The following PKN2 variants were observed in gnomAD, a reference collection of about 807,000 sequenced individuals.
PKN2 encodes serine/threonine-protein kinase N2.
In PKN2, 38 loss-of-function variants were observed where a neutral mutation model predicts 119.1. The ratio of observed to expected loss-of-function variants is 0.32; its 90% CI spans 0.25 to 0.42. The LOEUF is 0.42. Ranked by LOEUF, PKN2 falls within the 10% of genes least tolerant of loss-of-function variation. The pLI is 1.00. For missense variants in PKN2, 850 were observed against 1,165.1 expected, an observed-to-expected ratio of 0.73 and a Z score of 3.94; for synonymous variants, 390 against 384.9, an observed-to-expected ratio of 1.01 and a Z score of -0.15.
intron 1 of PKN2, among the ~76,000 whole-genome samples, chr1:88,728,758 G>T (rs896043455): frequency 6.6e-6 from 1 of 152,078 alleles, no homozygotes; most frequent in Non-Finnish European, 1.5e-5. Context: ...AACGGGAGGA[G>T]GCTAGAGTGA....
At chr1:88,709,697 T>C (rs553379785) in intron 1 of PKN2, among the ~76,000 whole-genome samples, 300 of 152,286 alleles carry the variant, frequency 2.0e-3, no homozygotes, top group Non-Finnish European at 3.4e-3. Context: ...TGTAAACATA[T>C]CACTTGAACA....
intron 2 of PKN2, among the ~76,000 whole-genome samples, chr1:88,751,769 A>AT (rs1009280629): frequency 2.4e-4 from 37 of 152,008 alleles, no homozygotes; most frequent in African/African-American, 8.2e-4. Context: ...TTCTAGAGTG[A>AT]TCTTTTCTTG....
At chr1:88,798,998 G>T (rs1671205090) in intron 8 of PKN2, among the ~76,000 whole-genome samples, 1 of 151,508 alleles carries the variant, frequency 6.6e-6, no homozygotes, top group Non-Finnish European at 1.5e-5. Flanking sequence ...TAACAATATA[G>T]GTTTGAGTTG....
chr1:88,789,667 T>TAAG (rs1382606848), intron 8 of PKN2, among the ~76,000 whole-genome samples: 1 of 149,248 alleles, frequency 6.7e-6, no homozygotes, highest in Non-Finnish European at 1.5e-5. Context: ...TATCTCATAA[T>TAAG]AATAATAATA....
At chr1:88,737,385 G>C (rs989277418) in intron 1 of PKN2, among the ~76,000 whole-genome samples, 2 of 151,802 alleles carry the variant, frequency 1.3e-5, no homozygotes, top group Non-Finnish European at 2.9e-5. Context: ...CCAGTGTGGA[G>C]TCTTACCATG....
intron 6 of PKN2, among the ~76,000 whole-genome samples, chr1:88,774,911 G>C (rs1670033241): frequency 6.6e-6 from 1 of 151,904 alleles, no homozygotes; most frequent in South Asian, 2.1e-4. Flanking sequence ...GTCTCACTGT[G>C]TTGCTCAGGC....
Position 88,833,585 on chromosome 1 carries a change from G to A in PKN2, c.*137G>A, listed in dbSNP as rs527887022. On this transcript the variant is annotated 3_prime_UTR_variant, in exon 22 of 22. Coordinates refer to ENST00000370521, the MANE Select transcript of PKN2 (RefSeq NM_006256.4). Reference sequence around the variant, plus strand: ...TTTTTATTGAAACACGTGAAGATTTGTTTAAAAGTACCATTCTAATACTTC... The same window carrying A: ...TTTTTATTGAAACACGTGAAGATTTATTTAAAAGTACCATTCTAATACTTC... 2 of 659,734 alleles carry A rather than the reference G, an allele frequency of 3.0e-6. No individual in the cohort carries two copies. The highest frequency in any genetic ancestry group is 1.8e-5 in the African/African-American group (1 of 54,988). The allele number at this position is 659,734 out of a possible 1,614,324, so 40.9% of individuals were successfully genotyped here. A position where few individuals can be genotyped will look rare whatever the true frequency, so the allele number is the denominator to read the frequency against.
At chr1:88,773,504 C>T (rs1479084830) in intron 6 of PKN2, among the ~76,000 whole-genome samples, 2 of 152,156 alleles carry the variant, frequency 1.3e-5, no homozygotes, top group African/African-American at 2.4e-5. Flanking sequence ...ACCATGATGG[C>T]CACACTGGTT....
At chr1:88,752,774 T>A (rs1370391277) in intron 2 of PKN2, among the ~76,000 whole-genome samples, 5 of 152,244 alleles carry the variant, frequency 3.3e-5, no homozygotes, top group East Asian at 1.9e-4. Context: ...TTTCCTTACT[T>A]TCAGCTTTTC....
intron 1 of PKN2, among the ~76,000 whole-genome samples, chr1:88,692,497 GATCCTTTGGTT>G (rs2100648833): frequency 6.6e-6 from 1 of 152,270 alleles, no homozygotes; most frequent in East Asian, 1.9e-4. Context: ...TGAAATAAAA[GATCCTTTGGTT>G]ATCCATCCTC....
chr1:88,805,745 G>A (rs768117685), intron 11 of PKN2, 74 bp downstream of exon 11: 6 of 1,599,226 alleles, frequency 3.8e-6, no homozygotes, highest in Non-Finnish European at 4.3e-6. Flanking sequence ...TATAGCAGGT[G>A]TACTGAGTCT....
rs967547013 is a variant in PKN2 at position 88,817,503 on chromosome 1, C to G, written c.2279+3770C>G. On this transcript the variant is annotated intron_variant, in intron 16 of 21. Transcript: ENST00000370521. ...TGGTTGGAGCACCAGGTCAGGATATCGAGACCAGCCTGGCCAACATGGTGA... is the reference window on the plus strand; with the variant it reads ...TGGTTGGAGCACCAGGTCAGGATATGGAGACCAGCCTGGCCAACATGGTGA... 2.2e-4 allele frequency among the ~76,000 whole-genome samples: 33 copies of G among 151,248 alleles called. 1 individual carries two copies. The highest frequency in any genetic ancestry group is 3.5e-3 in the Middle Eastern group (1 of 286).
At chr1:88,783,514 T>C (rs1670439774) in intron 6 of PKN2, among the ~76,000 whole-genome samples, 1 of 152,232 alleles carries the variant, frequency 6.6e-6, no homozygotes, top group Non-Finnish European at 1.5e-5. Flanking sequence ...GCTTTGTTTG[T>C]TACTACTTGG....
intron 1 of PKN2, among the ~76,000 whole-genome samples, chr1:88,710,688 T>TA (rs1255981354): frequency 6.6e-6 from 1 of 152,216 alleles, no homozygotes; most frequent in Non-Finnish European, 1.5e-5. Context: ...GGAATGCTTA[T>TA]ACACTGTTGG....
At chr1:88,691,313 C>G (rs1348619909) in intron 1 of PKN2, among the ~76,000 whole-genome samples, 1 of 152,072 alleles carries the variant, frequency 6.6e-6, no homozygotes, top group African/African-American at 2.4e-5. Context: ...AGTCCACCTG[C>G]CTTGGCCTCC....
At chr1:88,812,289 T>A (rs1056600326) in intron 15 of PKN2, among the ~76,000 whole-genome samples, 4 of 152,190 alleles carry the variant, frequency 2.6e-5, no homozygotes, top group Non-Finnish European at 5.9e-5. Flanking sequence ...TGAATGGCAT[T>A]GAAATCATTT....
At chr1:88,827,433 C>T (rs1672541726) in intron 18 of PKN2, among the ~76,000 whole-genome samples, 1 of 151,902 alleles carries the variant, frequency 6.6e-6, no homozygotes, top group Admixed American at 6.6e-5. Context: ...ATACCTTATA[C>T]ATAGCCTGAA....
intron 1 of PKN2, among the ~76,000 whole-genome samples, chr1:88,699,274 A>C (rs1037285389): frequency 6.6e-6 from 1 of 152,066 alleles, no homozygotes; most frequent in Non-Finnish European, 1.5e-5. Flanking sequence ...CTTTCGGCTC[A>C]CTAACTTCAG....
At position 88,684,473 on chromosome 1, in the gene PKN2, T is replaced by C; in HGVS notation, c.-108T>C. ...CCTCCATGAATCCCTAGTTGTTTTT[T>C]TTTTTTTCTTTCTCTCCCCTCTCCT... On this transcript the variant is annotated 5_prime_UTR_variant, in exon 1 of 22. Coordinates refer to ENST00000370521, the MANE Select transcript of PKN2 (RefSeq NM_006256.4). The C allele has an allele frequency of 2.2e-6, 2 of 927,006 alleles. No homozygotes were observed. Among genetic ancestry groups the C allele is most frequent in the Non-Finnish European group, 3.1e-6 (2 of 637,928 alleles). The allele number at this position is 927,006 out of a possible 1,614,324, so 57.4% of individuals were successfully genotyped here. A position where few individuals can be genotyped will look rare whatever the true frequency, so the allele number is the denominator to read the frequency against.
Sources: allele counts gnomAD v4.1 joint callset (sites outside exome capture counted in the v4.1 genomes callset), GRCh38; gene constraint gnomAD v4.1.1; transcripts MANE v1.5; gene names NCBI Gene and HGNC (gene_info 2026-07-23, HGNC 2026-07-21).